Variants in SORBS3 observed in about 807,000 individuals in gnomAD.
The protein encoded by SORBS3 is sorbin and SH3 domain containing 3.
Under a neutral mutation model 98.0 loss-of-function variants are expected in SORBS3, and 69 were observed. That is an observed-to-expected ratio of 0.70 (90% CI 0.58 to 0.86). The LOEUF is 0.86. Ranked by LOEUF, SORBS3 falls within the 40% of genes least tolerant of loss-of-function variation. The probability of loss-of-function intolerance (pLI) is 0.00; values close to 1 mark genes in which losing one functional copy is unlikely to be tolerated. For missense variants in SORBS3, 954 were observed against 908.5 expected, an observed-to-expected ratio of 1.05 and a Z score of -0.64; for synonymous variants, 394 against 355.4, an observed-to-expected ratio of 1.11 and a Z score of -1.22.
intron 10 of SORBS3, 102 bp from the exon 11 acceptor site, chr8:22,565,166 G>C: frequency 1.3e-6 from 2 of 1,481,836 alleles, no homozygotes; most frequent in East Asian, 2.6e-5. Flanking sequence ...CCCTTACGCC[G>C]GCCCGGTGCG....
intron 16 of SORBS3, among the ~76,000 whole-genome samples, chr8:22,568,444 G>A (rs1296924513): frequency 6.6e-6 from 1 of 152,122 alleles, no homozygotes; most frequent in Non-Finnish European, 1.5e-5. Flanking sequence ...ACTCTTGACT[G>A]TTTTCTCATC....
Position 22,554,434 on chromosome 8 carries a change from C to T in SORBS3, c.-55-18C>T. 3.8e-6 allele frequency: 6 copies of T among 1,561,530 alleles called. No homozygotes were observed. The highest frequency in any genetic ancestry group is 2.2e-4 in the Middle Eastern group (1 of 4,550). On this transcript the variant is annotated intron_variant, in intron 1 of 20. Transcript: ENST00000240123. This position sits in a 1 kb window ranked among gnomAD's most constrained non-coding sequence, Gnocchi z 6.5. ...CCTAGCCTAGCAGGGCTTTCCCTTC[C>T]TTCCTCCTTCCCCACAGAGGACACG...
rs1039417116 is a variant in SORBS3, at chr8:22,563,930, G to A, written c.585-57G>A. 4 of 1,347,242 alleles carry A rather than the reference G, an allele frequency of 3.0e-6. No homozygotes were observed. In the East Asian group the frequency reaches 9.2e-5, roughly 31 times the overall value. The allele number at this position is 1,347,242 out of a possible 1,614,324, so 83.5% of individuals were successfully genotyped here. A position where few individuals can be genotyped will look rare whatever the true frequency, so the allele number is the denominator to read the frequency against. ...GGCAGGGTGAGAGGGCTGTGTGCTG[G>A]CTTCTGCCTCAGTCTCCCTAAAAGG... On this transcript the variant is annotated intron_variant, in intron 7 of 20. Transcript: ENST00000240123.
intron 19 of SORBS3, 63 bp from the exon 20 acceptor site, chr8:22,572,277 C>A: frequency 7.4e-7 from 1 of 1,351,288 alleles, no homozygotes; most frequent in Non-Finnish European, 1.1e-6. Context: ...TCACAGGAAG[C>A]GGCAACACTT....
chr8:22,565,764 C>T (rs1438138965), intron 11 of SORBS3, 62 bp from the exon 12 acceptor site: 4 of 1,292,680 alleles, frequency 3.1e-6, no homozygotes, highest in Non-Finnish European at 2.9e-6. Flanking sequence ...CCGGAGGCGG[C>T]GGCCTCGGCT....
intron 11 of SORBS3, 30 bp from the exon 12 acceptor site, chr8:22,565,796 G>A: frequency 3.8e-6 from 5 of 1,317,772 alleles, no homozygotes; most frequent in African/African-American, 1.5e-5. Context: ...CCGGGGTCGC[G>A]GGCCCTGATT....
In SORBS3 at chr8:22,564,532, C is replaced by T. The variant is rs1840365065; in HGVS notation, c.816+11C>T. On this transcript the variant is annotated intron_variant, in intron 10 of 20. Transcript: ENST00000240123. ...TCCCAGCCCATTGAGGTGAGTGCTG[C>T]AGGGTGCTGGGGACAGCAGCCTGAT... 1 of 1,613,868 alleles carries T rather than the reference C, an allele frequency of 6.2e-7. No individual in the cohort carries two copies. The highest frequency in any genetic ancestry group is 1.7e-5 in the Admixed American group (1 of 60,006).
chr8:22,567,957 C>T (rs1489919448), intron 16 of SORBS3, among the ~76,000 whole-genome samples: 2 of 151,712 alleles, frequency 1.3e-5, no homozygotes, highest in African/African-American at 4.8e-5. Flanking sequence ...AAGGGATTCT[C>T]CTGCCCCAGC....
chr8:22,554,865 GC>G lies in SORBS3; in HGVS notation c.108del (p.Val37Ter), dbSNP rs886221433. 1 of 1,612,864 alleles carries G rather than the reference GC, an allele frequency of 6.2e-7. No homozygotes were observed. Among genetic ancestry groups the G allele is most frequent in the Non-Finnish European group, 8.5e-7 (1 of 1,179,674 alleles). ...IGSSSRGTRVPVIRNGGSNTL... is the reference protein window; with the variant it reads ...IGSSSRGTRVXVIRNGGSNTL... The stretch of plus-strand genomic sequence containing the variant: ...CCGCTCCTGGCCCCTCCCCGCAGGT[GC>G]CCGTGATCCGGAATGGTGGCTCCAA... On this transcript the variant is annotated frameshift_variant, in exon 3 of 21. Coordinates refer to ENST00000240123, the MANE Select transcript of SORBS3 (RefSeq NM_005775.5). LOFTEE classifies it high-confidence loss of function. This position sits in a 1 kb window ranked among gnomAD's most constrained non-coding sequence, Gnocchi z 6.5.
At position 22,572,283 on chromosome 8, in the gene SORBS3, C is replaced by T. The variant is rs949676037; in HGVS notation, c.1848-57C>T. 8 of 1,442,050 alleles carry T rather than the reference C, an allele frequency of 5.5e-6. No homozygotes were observed. The African/African-American group carries it at 1.1e-4, about 20-fold the overall frequency. The allele number at this position is 1,442,050 out of a possible 1,614,324, so 89.3% of individuals were successfully genotyped here. A position where few individuals can be genotyped will look rare whatever the true frequency, so the allele number is the denominator to read the frequency against. On this transcript the variant is annotated intron_variant, in intron 19 of 20. Coordinates refer to ENST00000240123, the MANE Select transcript of SORBS3 (RefSeq NM_005775.5). ...CTGGGGCATTCACAGGAAGCGGCAA[C>T]ACTTGGGTTAGAGCCTCTGGGCCCA...
rs772187161 is a variant in SORBS3, at chr8:22,557,235, G to A, written c.414+327G>A. On this transcript the variant is annotated intron_variant, in intron 4 of 20. Coordinates refer to ENST00000240123, the MANE Select transcript of SORBS3 (RefSeq NM_005775.5). ...TCATATCCCCAGGGCCTGTCACGAC[G>A]CTCATGAAATGGTTGCTGAATGAAT... Among the ~76,000 whole-genome samples, 51 of 152,156 alleles carry A rather than the reference G, an allele frequency of 3.4e-4. 1 individual carries two copies. Among genetic ancestry groups the A allele is most frequent in the African/African-American group, 1.1e-3 (44 of 41,420 alleles).
intron 7 of SORBS3, among the ~76,000 whole-genome samples, chr8:22,562,993 C>G (rs531344253): frequency 6.6e-6 from 1 of 152,086 alleles, no homozygotes; most frequent in Non-Finnish European, 1.5e-5. Context: ...GTGGCGGGTG[C>G]CTGTAGTCCC....
Position 22,554,892 on chromosome 8 carries a change from C to T in SORBS3, c.132C>T (p.Asn44=), listed in dbSNP as rs372445751. ...RVPVIRNGGS[N]TLNFQFHDPA... is the part of the protein sequence containing the mutation. Reference sequence around the variant, plus strand: ...CCGTGATCCGGAATGGTGGCTCCAACACCCTTAATTTCCAGTTCCACGACC... The same window carrying T: ...CCGTGATCCGGAATGGTGGCTCCAATACCCTTAATTTCCAGTTCCACGACC... Residue 44 remains asparagine (N), a synonymous_variant, in exon 3 of 21, where the codon AAC becomes AAT. Transcript: ENST00000240123. The surrounding 1 kb of genome is among the most constrained non-coding windows in gnomAD (Gnocchi z 6.5). 1.9e-5 allele frequency: 31 copies of T among 1,607,346 alleles called. No individual in the cohort carries two copies. The highest frequency in any genetic ancestry group is 1.7e-4 in the Middle Eastern group (1 of 6,052).
At chr8:22,545,918 C>T (rs1490460672) in intron 1 of SORBS3, among the ~76,000 whole-genome samples, 2 of 152,184 alleles carry the variant, frequency 1.3e-5, no homozygotes, top group Admixed American at 1.3e-4. Flanking sequence ...TGCATGGTGA[C>T]CCCCATAGCT....
rs112969836 is a variant in SORBS3 at position 22,554,534 on chromosome 8, G to A, written c.28G>A (p.Ala10Thr). The change falls in exon 2 of 21, where the codon GCT becomes ACT. Residue 10 changes from alanine (A) to threonine (T), a missense_variant. Ala to Thr is a moderately conservative substitution (Grantham distance 58). Transcript: ENST00000240123. This position sits in a 1 kb window ranked among gnomAD's most constrained non-coding sequence, Gnocchi z 6.5. ...GCAGGGCCCACCCCGCAGCCTCCGC[G>A]CTGGGCTCAGCCTGGACGACTTCAT... MQGPPRSLR[A>T]GLSLDDFIPG... is the part of the protein sequence containing the mutation. 3.2e-5 allele frequency: 52 copies of A among 1,612,520 alleles called. 1 individual carries two copies. The highest frequency in any genetic ancestry group is 1.9e-4 in the African/African-American group (14 of 75,034).
chr8:22,547,922 G>A (rs1047224652), upstream of SORBS3, among the ~76,000 whole-genome samples: 1 of 152,136 alleles, frequency 6.6e-6, no homozygotes, highest in Non-Finnish European at 1.5e-5. Flanking sequence ...GAGTTCTCCC[G>A]CAGCCTTTGG....
At position 22,575,616 on chromosome 8, in the gene SORBS3, G is replaced by A. The variant is rs1477773930; in HGVS notation, c.*888G>A. 1 of 152,380 alleles carries A rather than the reference G, an allele frequency of 6.6e-6. No individual in the cohort carries two copies. The highest frequency in any genetic ancestry group is 1.5e-5 in the Non-Finnish European group (1 of 68,158). 9.4% of individuals were successfully genotyped at this position (152,380 alleles called of 1,614,324 possible). On this transcript the variant is annotated 3_prime_UTR_variant, in exon 21 of 21. Coordinates refer to ENST00000240123, the MANE Select transcript of SORBS3 (RefSeq NM_005775.5). ...TGGGACAGGTGTGTGTGTAAGAGGA[G>A]GAGGATGGAAAAACACCATTATTAC... is the stretch of plus-strand genomic sequence containing the variant.
At position 22,575,039 on chromosome 8, in the gene SORBS3, C is replaced by G. The variant is rs1439793775; in HGVS notation, c.*311C>G. On this transcript the variant is annotated 3_prime_UTR_variant, in exon 21 of 21. Transcript: ENST00000240123. ...AGACCAGACCCCAAGTCCCCCACCC[C>G]CATCCTGCTCCAGCGTTTCCTCTAA... 1 of 538,226 alleles carries G rather than the reference C, an allele frequency of 1.9e-6. No homozygotes were observed. The allele number at this position is 538,226 out of a possible 1,614,324, so 33.3% of individuals were successfully genotyped here. A position where few individuals can be genotyped will look rare whatever the true frequency, so the allele number is the denominator to read the frequency against.
intron 3 of SORBS3, among the ~76,000 whole-genome samples, 167 bp downstream of exon 3, chr8:22,555,147 C>G (rs889232003): frequency 6.6e-6 from 1 of 152,236 alleles, no homozygotes; most frequent in Admixed American, 6.5e-5. Flanking sequence ...CCCTGCGGAG[C>G]CTGCTGACTC....
Sources: gnomAD v4.1 joint callset for allele counts (sites outside exome capture counted in the v4.1 genomes callset) on GRCh38, gnomAD v4.1.1 for gene constraint, Gnocchi (gnomAD v3.1) non-coding constraint, MANE v1.5 for transcripts, NCBI Gene and HGNC (gene_info 2026-07-23, HGNC 2026-07-21) for gene names.